Variants in MAN2A1 observed in about 807,000 individuals in gnomAD.
The protein encoded by MAN2A1 is alpha-mannosidase 2.
A neutral mutation model predicts 142.6 loss-of-function variants in MAN2A1; 76 were observed. That is an observed-to-expected ratio of 0.53 (90% CI 0.44 to 0.65). The LOEUF (loss-of-function observed/expected upper bound fraction) is 0.65, where lower values mean the gene tolerates loss of function less well. MAN2A1 is among the 30% of genes least tolerant of loss of function. The pLI is 0.00. For missense variants in MAN2A1, 1,311 were observed against 1,365.1 expected (o/e 0.96, Z 0.62); for synonymous variants, 559 against 473.2 (o/e 1.18, Z -2.35).
chr5:109,710,693 C>T (rs1751275129), intron 1 of MAN2A1, among the ~76,000 whole-genome samples: 1 of 150,086 alleles, frequency 6.7e-6, no homozygotes, highest in Non-Finnish European at 1.5e-5. Flanking sequence ...TTATTATTTA[C>T]CTATTTTTTT....
chr5:109,854,045 T>C (rs1304767997), intron 19 of MAN2A1: 1 of 152,194 alleles, frequency 6.6e-6, no homozygotes, highest in African/African-American at 2.4e-5. Flanking sequence ...AATTTTAAGC[T>C]GTATATCTCT....
chr5:109,754,987 G>A (rs1252778291), intron 4 of MAN2A1, among the ~76,000 whole-genome samples: 1 of 152,178 alleles, frequency 6.6e-6, no homozygotes, highest in Non-Finnish European at 1.5e-5. Flanking sequence ...GGCAACAAGA[G>A]TGAAACTCTG....
Position 109,690,483 on chromosome 5 carries a change from C to T in MAN2A1, c.66C>T (p.Leu22=). 6.2e-7 allele frequency: 1 copy of T among 1,614,054 alleles called. No homozygotes were observed. Among genetic ancestry groups the T allele is most frequent in the East Asian group, 2.2e-5 (1 of 44,854 alleles). ...TCTTCTGTGTGGTGATTTTCTCGCT[C>T]TACCTGATGCTGGACCGGGGTCACT... The part of the protein sequence containing the change: ...SAIFCVVIFS[L]YLMLDRGHLD... The change falls in exon 1 of 22, where the codon CTC becomes CTT. Residue 22 remains leucine, a synonymous_variant. Coordinates refer to ENST00000261483, the MANE Select transcript of MAN2A1 (RefSeq NM_002372.4).
chr5:109,791,547 G>C (rs982507307), intron 12 of MAN2A1, among the ~76,000 whole-genome samples: 8 of 151,800 alleles, frequency 5.3e-5, no homozygotes, highest in Non-Finnish European at 8.8e-5. Flanking sequence ...AATGTTGTAA[G>C]GGTTGGCTTT....
At chr5:109,809,966 G>A (rs1364792685) in intron 12 of MAN2A1, among the ~76,000 whole-genome samples, 2 of 150,992 alleles carry the variant, frequency 1.3e-5, no homozygotes, top group African/African-American at 4.9e-5. Flanking sequence ...CTTCTCTTTT[G>A]CTGAGTTAAA....
intron 16 of MAN2A1, 36 bp from the exon 17 acceptor site, chr5:109,842,288 ATTTC>A (rs757990665): frequency 1.2e-4 from 161 of 1,346,690 alleles, no homozygotes; most frequent in Non-Finnish European, 1.5e-4. Context: ...GAGGCAAGTA[ATTTC>A]TTTCTATTAA....
At chr5:109,782,375 AT>A (rs1753482969) in intron 9 of MAN2A1, among the ~76,000 whole-genome samples, 1 of 152,220 alleles carries the variant, frequency 6.6e-6, no homozygotes, top group Admixed American at 6.5e-5. Flanking sequence ...AAATGTGCCC[AT>A]TTAATTTTAA....
chr5:109,849,457 C>T (rs534477227), intron 19 of MAN2A1, among the ~76,000 whole-genome samples: 11 of 152,296 alleles, frequency 7.2e-5, no homozygotes, highest in African/African-American at 2.6e-4. Context: ...CAGCCACCGC[C>T]ATCCATACAA....
At chr5:109,786,173 A>G (rs1449259665) in intron 10 of MAN2A1, among the ~76,000 whole-genome samples, 1 of 152,088 alleles carries the variant, frequency 6.6e-6, no homozygotes, top group East Asian at 1.9e-4. Context: ...GGGTTAAAGT[A>G]GAAAACCCTC....
intron 5 of MAN2A1, among the ~76,000 whole-genome samples, chr5:109,765,902 A>G (rs1437390515): frequency 6.6e-6 from 1 of 152,022 alleles, no homozygotes; most frequent in African/African-American, 2.4e-5. Context: ...AATATATTCC[A>G]GGCTATCATG....
chr5:109,812,637 T>C (rs1216074368), intron 12 of MAN2A1, among the ~76,000 whole-genome samples: 5 of 152,202 alleles, frequency 3.3e-5, no homozygotes, highest in African/African-American at 7.2e-5. Flanking sequence ...TCAGACAAAA[T>C]GAGCTCTAAT....
At chr5:109,722,833 T>C (rs1751642755) in intron 3 of MAN2A1, among the ~76,000 whole-genome samples, 1 of 152,184 alleles carries the variant, frequency 6.6e-6, no homozygotes, top group Non-Finnish European at 1.5e-5. Flanking sequence ...AGAAAGTCAC[T>C]TTTCTTTCTA....
chr5:109,697,733 C>T (rs1422606772), intron 1 of MAN2A1, among the ~76,000 whole-genome samples: 1 of 152,142 alleles, frequency 6.6e-6, no homozygotes, highest in Non-Finnish European at 1.5e-5. Flanking sequence ...TTGCCAATCC[C>T]TAGTTTAAAC....
intron 1 of MAN2A1, among the ~76,000 whole-genome samples, chr5:109,697,623 G>T: frequency 6.6e-6 from 1 of 152,104 alleles, no homozygotes; most frequent in East Asian, 1.9e-4. Context: ...TCTACCAATT[G>T]TCTCTGACCA....
intron 12 of MAN2A1, among the ~76,000 whole-genome samples, chr5:109,806,214 TACCCACTGAAGGGAGACAGC>T (rs1754161704): frequency 6.6e-6 from 1 of 152,186 alleles, no homozygotes; most frequent in African/African-American, 2.4e-5. Flanking sequence ...CTGACTGCCT[TACCCACTGAAGGGAGACAGC>T]AGGTCACCTT....
intron 11 of MAN2A1, 64 bp from the exon 12 acceptor site, chr5:109,789,396 C>T: frequency 1.1e-6 from 1 of 917,810 alleles, no homozygotes; most frequent in Non-Finnish European, 1.6e-6. Flanking sequence ...GAATGGTCTT[C>T]TGGTTTCAGG....
At chr5:109,735,824 G>T (rs145109155) in intron 4 of MAN2A1, among the ~76,000 whole-genome samples, 2,316 of 144,990 alleles carry the variant, frequency 0.016, 51 homozygotes, top group African/African-American at 0.056. Context: ...GAAAATTGAT[G>T]TAAACATTTA....
chr5:109,767,582 C>G lies in MAN2A1; in HGVS notation c.883C>G (p.Pro295Ala), dbSNP rs149112177. The G allele has an allele frequency of 6.8e-6, 11 of 1,613,788 alleles. No individual in the cohort carries two copies. Among genetic ancestry groups the G allele is most frequent in the Non-Finnish European group, 9.3e-6 (11 of 1,179,734 alleles). Residue 295 changes from proline to alanine, a missense_variant, in exon 6 of 22, where the codon CCA becomes GCA. Pro to Ala is a conservative substitution (Grantham distance 27). Coordinates refer to ENST00000261483, the MANE Select transcript of MAN2A1 (RefSeq NM_002372.4). ...GWAIDPFGHS[P>A]TMAYLLNRAG... is the part of the protein sequence containing the mutation. ...GGCTATTGATCCCTTTGGACACTCA[C>G]CAACAATGGCTTATCTTCTAAACCG...
At chr5:109,769,123 A>T (rs1487930264) in intron 6 of MAN2A1, among the ~76,000 whole-genome samples, 1 of 152,130 alleles carries the variant, frequency 6.6e-6, no homozygotes, top group East Asian at 1.9e-4. Context: ...GAGTTTTAGG[A>T]CTTGTGACAA....
Sources: allele counts gnomAD v4.1 joint callset (sites outside exome capture counted in the v4.1 genomes callset), GRCh38; gene constraint gnomAD v4.1.1; transcripts MANE v1.5; gene names NCBI Gene and HGNC (gene_info 2026-07-23, HGNC 2026-07-21).